The following RYR3 variants were observed in gnomAD, a reference collection of about 807,000 sequenced individuals.
The protein encoded by RYR3 is brain ryanodine receptor-calcium release channel.
Under a neutral mutation model 584.3 loss-of-function variants are expected in RYR3, and 207 were observed. The observed-to-expected ratio is 0.35, with a 90% CI of 0.32 to 0.40. The LOEUF (loss-of-function observed/expected upper bound fraction) is 0.40. Among genes scored for constraint, RYR3 ranks in the 10% least tolerant of loss-of-function variants. The probability of loss-of-function intolerance (pLI) is 1.00; values close to 1 mark genes in which losing one functional copy is unlikely to be tolerated. For missense variants in RYR3, 5,616 were observed against 6,089.2 expected (o/e 0.92, Z 2.59); for synonymous variants, 2,416 against 2,248.5 (o/e 1.07, Z -2.11).
At chr15:33,848,154 C>A in intron 93 of RYR3, 137 bp from the exon 94 acceptor site, 1 of 1,074,368 alleles carries the variant, frequency 9.3e-7, no homozygotes, top group Non-Finnish European at 1.4e-6. Flanking sequence ...TTTGATCCCA[C>A]AACTAGGCAC....
At chr15:33,762,361 C>T (rs1017459192) in intron 60 of RYR3, among the ~76,000 whole-genome samples, 15 of 152,112 alleles carry the variant, frequency 9.9e-5, no homozygotes, top group African/African-American at 3.4e-4. Context: ...GAAATGCCAT[C>T]GACTCAGCCC....
intron 1 of RYR3, among the ~76,000 whole-genome samples, chr15:33,411,688 G>A (rs2043420951): frequency 6.6e-6 from 1 of 152,154 alleles, no homozygotes; most frequent in Admixed American, 6.5e-5. Flanking sequence ...TTTCCTGACT[G>A]CCCACACACA....
intron 67 of RYR3, among the ~76,000 whole-genome samples, chr15:33,798,951 T>C (rs1056753640): frequency 2.0e-5 from 3 of 152,130 alleles, no homozygotes; most frequent in Non-Finnish European, 4.4e-5. Context: ...CCCACAACAA[T>C]TCATTCTGAT....
chr15:33,834,317 CACACACAGTG>C (rs1402971274), intron 86 of RYR3, among the ~76,000 whole-genome samples: 6 of 145,476 alleles, frequency 4.1e-5, no homozygotes, highest in African/African-American at 1.3e-4. Flanking sequence ...CACACACACA[CACACACAGTG>C]AGATTAACAT....
intron 102 of RYR3, among the ~76,000 whole-genome samples, chr15:33,861,480 C>CTTTTTTTTTTTTTGCT (rs34330524): frequency 1.6e-4 from 24 of 148,148 alleles, no homozygotes; most frequent in Admixed American, 8.7e-4. Flanking sequence ...TATAAATATG[C>CTTTTTTTTTTTTTGCT]TTTTTTTTTT....
At position 33,838,137 on chromosome 15, in the gene RYR3, C is replaced by T. The variant is rs1261000193; in HGVS notation, c.12157C>T (p.Arg4053Cys). Residue 4053 changes from arginine (R) to cysteine (C), a missense_variant, in exon 89 of 104, where the codon CGC becomes TGC. By Grantham distance (180) the Arg-to-Cys change is radical. Coordinates refer to ENST00000634891, the MANE Select transcript of RYR3 (RefSeq NM_001036.6). ...TTATTTTGAGATCAGTGAATCCAGTCGCACTCAGTGGGAGAAGCCCCAGGT... is the reference window on the plus strand; with the variant it reads ...TTATTTTGAGATCAGTGAATCCAGTTGCACTCAGTGGGAGAAGCCCCAGGT... ...RVYFEISESS[R>C]TQWEKPQVKE... The T allele has an allele frequency of 7.4e-6, 12 of 1,613,758 alleles. No individual in the cohort carries two copies. The highest frequency in any genetic ancestry group is 1.3e-5 in the African/African-American group (1 of 74,858).
chr15:33,401,099 G>A (rs1310569358), intron 1 of RYR3, among the ~76,000 whole-genome samples: 1 of 152,178 alleles, frequency 6.6e-6, no homozygotes, highest in African/African-American at 2.4e-5. Context: ...TTCTTTAGCT[G>A]CAGCATGGGA....
At position 33,798,789 on chromosome 15, in the gene RYR3, C is replaced by T. The variant is rs188688997; in HGVS notation, c.9831-1981C>T. Among the ~76,000 whole-genome samples the T allele has an allele frequency of 7.2e-5, 11 of 152,218 alleles. No homozygotes were observed. The South Asian group carries it at 8.3e-4, about 11-fold the overall frequency. On this transcript the variant is annotated intron_variant, in intron 67 of 103. Coordinates refer to ENST00000634891, the MANE Select transcript of RYR3 (RefSeq NM_001036.6). ...AGGAGAGGCTGCTTGAATCTGAAAA[C>T]GAGAGATTAGATAAGAATGTCCCTG... is the stretch of plus-strand genomic sequence containing the variant.
chr15:33,795,557 G>C (rs562296630), intron 67 of RYR3, among the ~76,000 whole-genome samples: 17 of 151,846 alleles, frequency 1.1e-4, no homozygotes, highest in African/African-American at 4.1e-4. Context: ...ACTACGCCTG[G>C]CTAATTTTGT....
rs1055044004 is a variant in RYR3 at position 33,827,194 on chromosome 15, C to G, written c.11246-5C>G. On this transcript the variant is annotated splice_region_variant and splice_polypyrimidine_tract_variant and intron_variant, in intron 84 of 103. Coordinates refer to ENST00000634891, the MANE Select transcript of RYR3 (RefSeq NM_001036.6). Reference sequence around the variant, plus strand: ...CAAGCTCTGACCCAGCACTGGTGCTCTCAGACTTTCAGAACTTCCTGCGGA... The same window carrying G: ...CAAGCTCTGACCCAGCACTGGTGCTGTCAGACTTTCAGAACTTCCTGCGGA... The G allele has an allele frequency of 6.4e-6, 10 of 1,551,784 alleles. No homozygotes were observed. The highest frequency in any genetic ancestry group is 8.7e-6 in the Non-Finnish European group (10 of 1,146,996).
At chr15:33,452,373 C>T (rs1331999802) in intron 1 of RYR3, among the ~76,000 whole-genome samples, 15 of 152,154 alleles carry the variant, frequency 9.9e-5, no homozygotes, top group Admixed American at 7.9e-4. Flanking sequence ...AAAGCAGCAT[C>T]TCAATTGCCA....
chr15:33,581,794 C>T (rs1394008745), intron 14 of RYR3, among the ~76,000 whole-genome samples, 151 bp downstream of exon 14: 1 of 152,128 alleles, frequency 6.6e-6, no homozygotes, highest in African/African-American at 2.4e-5. Flanking sequence ...AATTTTAACC[C>T]AGCTGTTCAT....
At chr15:33,653,498 G>A in intron 32 of RYR3, among the ~76,000 whole-genome samples, 1 of 152,000 alleles carries the variant, frequency 6.6e-6, no homozygotes, top group Admixed American at 6.6e-5. Context: ...AGTGAAACCT[G>A]TCTCTATTAA....
chr15:33,863,176 C>G (rs1412003618), intron 102 of RYR3, among the ~76,000 whole-genome samples: 1 of 152,080 alleles, frequency 6.6e-6, no homozygotes, highest in Non-Finnish European at 1.5e-5. Flanking sequence ...GGAAAGAACC[C>G]AATTTTATTC....
intron 1 of RYR3, among the ~76,000 whole-genome samples, chr15:33,334,290 G>A (rs1970702623): frequency 1.3e-5 from 2 of 152,128 alleles, no homozygotes; most frequent in Non-Finnish European, 2.9e-5. Context: ...TATACTAAAA[G>A]GCTACAGTAA....
rs376727777 is a variant in RYR3, at chr15:33,785,742, C to G, written c.9349C>G (p.Leu3117Val). The stretch of plus-strand genomic sequence containing the variant: ...AGGCCTGATGAAGGAAATCAACGAC[C>G]TGGCCGAGTCAGGGGCCCGGTACAC... ...LEGLMKEIND[L>V]AESGARYTEM... The change falls in exon 66 of 104, where the codon CTG (leucine) becomes GTG (valine). Residue 3117 changes from leucine to valine, a missense_variant. Leu to Val is a conservative substitution (Grantham distance 32). Transcript: ENST00000634891. 1.2e-5 allele frequency: 19 copies of G among 1,613,926 alleles called. No individual in the cohort carries two copies. In the African/African-American group the frequency reaches 2.4e-4, roughly 20 times the overall value.
rs552370646 is a variant in RYR3, at chr15:33,562,836, G to C, written c.973-1G>C. Reference sequence around the variant, plus strand: ...TTTGTTTCTTTTTGTGTATGAATTAGGAACTCAAGGAGAAATTAGACTCCA... The same window carrying C: ...TTTGTTTCTTTTTGTGTATGAATTACGAACTCAAGGAGAAATTAGACTCCA... On this transcript the variant is annotated splice_acceptor_variant, in intron 10 of 103. Coordinates refer to ENST00000634891, the MANE Select transcript of RYR3 (RefSeq NM_001036.6). LOFTEE classifies it high-confidence loss of function. 3.8e-5 allele frequency: 61 copies of C among 1,608,858 alleles called. No individual in the cohort carries two copies. The East Asian group carries it at 1.3e-3, about 33-fold the overall frequency.
intron 38 of RYR3, among the ~76,000 whole-genome samples, chr15:33,690,216 A>G (rs1172814254): frequency 6.6e-6 from 1 of 152,228 alleles, no homozygotes; most frequent in Non-Finnish European, 1.5e-5. Context: ...GCGTGTGCAG[A>G]GCGGGCTGAA....
At position 33,773,579 on chromosome 15, in the gene RYR3, A is replaced by C; in HGVS notation, c.9101A>C (p.Tyr3034Ser). The C allele has an allele frequency of 6.2e-7, 1 of 1,609,486 alleles. No homozygotes were observed. The highest frequency in any genetic ancestry group is 8.5e-7 in the Non-Finnish European group (1 of 1,177,878). Reference protein sequence around the residue: ...ISCYHILCSLYSLGTGKNIYV... With the variant: ...ISCYHILCSLSSLGTGKNIYV... Reference sequence around the variant, plus strand: ...TGCTACCACATACTGTGCAGCCTCTACTCCCTTGGGACGGGAAAGAACATT... The same window carrying C: ...TGCTACCACATACTGTGCAGCCTCTCCTCCCTTGGGACGGGAAAGAACATT... Residue 3034 changes from tyrosine (Y) to serine (S), a missense_variant, in exon 64 of 104, where the codon TAC (tyrosine) becomes TCC (serine). Physicochemically the swap from Tyr to Ser is moderately radical, Grantham distance 144. Transcript: ENST00000634891.
Sources: gnomAD v4.1 joint callset for allele counts (sites outside exome capture counted in the v4.1 genomes callset) on GRCh38, gnomAD v4.1.1 for gene constraint, MANE v1.5 for transcripts, NCBI Gene and HGNC (gene_info 2026-07-23, HGNC 2026-07-21) for gene names.